The following AOPEP variants were observed in gnomAD, a reference collection of about 807,000 sequenced individuals.
AOPEP encodes the protein aminopeptidase O (putative).
A neutral mutation model predicts 98.1 loss-of-function variants in AOPEP; 77 were observed. That is an observed-to-expected ratio of 0.78 (90% CI 0.65 to 0.95). The LOEUF (loss-of-function observed/expected upper bound fraction) is 0.95. AOPEP is among the 40% of genes least tolerant of loss of function. AOPEP has a pLI of 0.00. For missense variants in AOPEP, 1,024 were observed against 1,024.7 expected (o/e 1.00, Z 0.01); for synonymous variants, 346 against 365.3 (o/e 0.95, Z 0.60).
chr9:94,835,496 CTA>C (rs756275851), intron 5 of AOPEP, among the ~76,000 whole-genome samples: 2 of 152,168 alleles, frequency 1.3e-5, no homozygotes, highest in Non-Finnish European at 2.9e-5. Flanking sequence ...ATAATAACCT[CTA>C]TTTTTTTCTC....
chr9:94,760,566 A>T lies in AOPEP; in HGVS notation c.783A>T (p.Ser261=), dbSNP rs903834264. 1 of 1,541,544 alleles carries T rather than the reference A, an allele frequency of 6.5e-7. No individual in the cohort carries two copies. Among genetic ancestry groups the T allele is most frequent in the African/African-American group, 1.4e-5 (1 of 72,256 alleles). The change falls in exon 2 of 17, where the codon TCA becomes TCT. Residue 261 remains serine, a synonymous_variant. Coordinates refer to ENST00000375315, the MANE Select transcript of AOPEP (RefSeq NM_001193329.3). ...KPEGRSVTWT[S]DQSGRPCVYT... Reference sequence around the variant, plus strand: ...AAGGGCGATCGGTTACATGGACCTCAGACCAGAGTGGCAGGTAGGTTATCC... The same window carrying T: ...AAGGGCGATCGGTTACATGGACCTCTGACCAGAGTGGCAGGTAGGTTATCC...
At chr9:94,821,980 C>CAT (rs769866962) in intron 5 of AOPEP, among the ~76,000 whole-genome samples, 1 of 107,570 alleles carries the variant, frequency 9.3e-6, no homozygotes, top group Non-Finnish European at 2.3e-5. Context: ...AACACACACA[C>CAT]ACACACACAC....
intron 10 of AOPEP, among the ~76,000 whole-genome samples, chr9:94,970,805 C>G (rs893324412): frequency 1.3e-5 from 2 of 151,470 alleles, no homozygotes; most frequent in African/African-American, 4.8e-5. Flanking sequence ...ATATTTTTTC[C>G]TTTTCTTCGT....
At chr9:94,945,240 C>T (rs1465337897) in intron 7 of AOPEP, among the ~76,000 whole-genome samples, 1 of 152,164 alleles carries the variant, frequency 6.6e-6, no homozygotes, top group East Asian at 1.9e-4. Flanking sequence ...TCCCATTGTC[C>T]TCTTAATAAT....
chr9:95,042,632 G>C (rs562816415), intron 13 of AOPEP, among the ~76,000 whole-genome samples: 30 of 152,274 alleles, frequency 2.0e-4, no homozygotes, highest in Admixed American at 5.2e-4. Context: ...GCCTTGTCTA[G>C]CTTTTAGGAT....
chr9:94,842,075 C>T (rs1056759615), intron 5 of AOPEP, among the ~76,000 whole-genome samples: 1 of 151,496 alleles, frequency 6.6e-6, no homozygotes, highest in African/African-American at 2.4e-5. Context: ...AAAAAGAAAA[C>T]AAGAAGCCAG....
At chr9:95,088,115 C>A (rs145403373), downstream of AOPEP, among the ~76,000 whole-genome samples, 2 of 152,138 alleles carry the variant, frequency 1.3e-5, no homozygotes, top group Admixed American at 1.3e-4. Context: ...TGGCTCAGAA[C>A]TTGACTGTTA....
At chr9:95,048,177 G>T (rs2066007057) in intron 13 of AOPEP, among the ~76,000 whole-genome samples, 1 of 151,616 alleles carries the variant, frequency 6.6e-6, no homozygotes, top group Non-Finnish European at 1.5e-5. Flanking sequence ...TTTTGCCACA[G>T]TAATACTAAT....
At chr9:94,907,644 C>T (rs551383607) in intron 5 of AOPEP, among the ~76,000 whole-genome samples, 1 of 152,290 alleles carries the variant, frequency 6.6e-6, no homozygotes, top group South Asian at 2.1e-4. Context: ...TCCAAAGCAA[C>T]ATCTCCAGCC....
At chr9:94,858,683 T>C (rs2044538659) in intron 5 of AOPEP, among the ~76,000 whole-genome samples, 1 of 151,878 alleles carries the variant, frequency 6.6e-6, no homozygotes, top group African/African-American at 2.4e-5. Context: ...GATTAGGAGG[T>C]GGGGCCTTTG....
chr9:94,907,111 T>G (rs936297253), intron 5 of AOPEP, among the ~76,000 whole-genome samples: 1 of 152,088 alleles, frequency 6.6e-6, no homozygotes, highest in African/African-American at 2.4e-5. Context: ...GCTGTTGAGA[T>G]TCAATGAAAA....
chr9:95,126,616 T>C, the AOPEP span: 2 of 1,605,594 alleles, frequency 1.2e-6, no homozygotes, highest in East Asian at 2.2e-5. Context: ...ATGTGAAATA[T>C]CACAAGCACT....
At chr9:94,984,750 C>G (rs1043256781) in intron 11 of AOPEP, among the ~76,000 whole-genome samples, 2 of 152,158 alleles carry the variant, frequency 1.3e-5, no homozygotes, top group African/African-American at 4.8e-5. Flanking sequence ...TAGAGCTGTT[C>G]TAAAGCTATT....
At chr9:94,876,601 G>A (rs539169536) in intron 5 of AOPEP, among the ~76,000 whole-genome samples, 2 of 152,196 alleles carry the variant, frequency 1.3e-5, no homozygotes, top group Non-Finnish European at 2.9e-5. Flanking sequence ...TCCTGACCTC[G>A]TGATCTGCCT....
chr9:94,959,441 T>C (rs1362985839), intron 9 of AOPEP, among the ~76,000 whole-genome samples: 2 of 152,312 alleles, frequency 1.3e-5, no homozygotes, highest in Admixed American at 6.5e-5. Flanking sequence ...TTTCCCTCCA[T>C]TGAATTGCCT....
the AOPEP span, among the ~76,000 whole-genome samples, chr9:95,133,832 A>C: frequency 6.6e-6 from 1 of 152,224 alleles, no homozygotes; most frequent in Admixed American, 6.5e-5. Flanking sequence ...AATAAAGGTA[A>C]TTTATGACCT....
At chr9:95,009,048 A>G (rs571716130) in intron 13 of AOPEP, among the ~76,000 whole-genome samples, 74 of 152,352 alleles carry the variant, frequency 4.9e-4, no homozygotes, top group African/African-American at 1.6e-3. Flanking sequence ...AAACAAGGAA[A>G]GTATGAATAA....
chr9:95,076,531 C>T (rs1011729954), intron 14 of AOPEP, among the ~76,000 whole-genome samples: 1 of 152,182 alleles, frequency 6.6e-6, no homozygotes, highest in Non-Finnish European at 1.5e-5. Context: ...GAATCTCTTC[C>T]TGCACTCATG....
In AOPEP at chr9:95,087,113, G is replaced by T. The variant is rs186134602; in HGVS notation, c.*436G>T. ...GGCGCCATTTAAAAGAACAGGATGA[G>T]AATCTAAGATATATTATTAATAAAT... On this transcript the variant is annotated 3_prime_UTR_variant, in exon 17 of 17. Coordinates refer to ENST00000375315, the MANE Select transcript of AOPEP (RefSeq NM_001193329.3). 5.8e-6 allele frequency: 1 copy of T among 173,710 alleles called. No homozygotes were observed. The highest frequency in any genetic ancestry group is 2.4e-5 in the African/African-American group (1 of 41,840). 10.8% of individuals were successfully genotyped at this position (173,710 alleles called of 1,614,324 possible). A position where few individuals can be genotyped will look rare whatever the true frequency, so the allele number is the denominator to read the frequency against.
Sources: allele counts gnomAD v4.1 joint callset (sites outside exome capture counted in the v4.1 genomes callset), GRCh38; gene constraint gnomAD v4.1.1; transcripts MANE v1.5; gene names NCBI Gene and HGNC (gene_info 2026-07-23, HGNC 2026-07-21).